The following KDM6A variants were observed in gnomAD, a reference collection of about 807,000 sequenced individuals.
KDM6A encodes the protein lysine demethylase 6A, also known as lysine-specific demethylase 6A.
A neutral mutation model predicts 117.6 loss-of-function variants in KDM6A; 11 were observed. The observed-to-expected ratio is 0.09, with a 90% CI of 0.06 to 0.15. The LOEUF (loss-of-function observed/expected upper bound fraction) is 0.15. KDM6A is among the 10% of genes least tolerant of loss of function. The pLI is 1.00. For synonymous variants in KDM6A, 384 were observed against 396.1 expected (o/e 0.97, Z 0.36); for missense variants, 799 against 1,077.3 (o/e 0.74, Z 3.62).
chrX:45,089,267 C>T (rs2045787764), intron 25 of KDM6A, among the ~76,000 whole-genome samples: 1 of 111,563 alleles, frequency 9.0e-6, no homozygotes, highest in Non-Finnish European at 1.9e-5. Context: ...ATTATAATTC[C>T]TGTAATCCCA....
intron 6 of KDM6A, among the ~76,000 whole-genome samples, chrX:45,029,172 C>T (rs1005589015): frequency 8.9e-6 from 1 of 111,765 alleles, no homozygotes; most frequent in Non-Finnish European, 1.9e-5. Flanking sequence ...CAGTGGCTCA[C>T]ACCTGTAATC....
chrX:45,078,620 T>A, intron 20 of KDM6A, 115 bp downstream of exon 20: 1 of 615,602 alleles, frequency 1.6e-6, no homozygotes, highest in Middle Eastern at 5.3e-4. Flanking sequence ...TTTTCTTTTT[T>A]TGTATTTTAA....
chrX:44,938,143 A>G (rs1383511496), intron 2 of KDM6A, among the ~76,000 whole-genome samples: 2 of 111,157 alleles, frequency 1.8e-5, no homozygotes, highest in African/African-American at 6.5e-5. Context: ...TCATTTTCGT[A>G]GAGATGGGGT....
chrX:45,021,588 G>T (rs1318806733), intron 6 of KDM6A, among the ~76,000 whole-genome samples: 1 of 111,406 alleles, frequency 9.0e-6, no homozygotes, highest in Admixed American at 9.6e-5. Context: ...ACTACTGAAG[G>T]TTAAAAATAA....
At chrX:44,990,275 ATGCC>A (rs2040496825) in intron 4 of KDM6A, among the ~76,000 whole-genome samples, 1 of 111,847 alleles carries the variant, frequency 8.9e-6, no homozygotes, top group Non-Finnish European at 1.9e-5. Context: ...ACAGTGTCTC[ATGCC>A]TGTAATCCCA....
chrX:45,103,657 C>T (rs1255009849), intron 27 of KDM6A, among the ~76,000 whole-genome samples: 1 of 112,117 alleles, frequency 8.9e-6, no homozygotes, highest in Admixed American at 9.5e-5. Context: ...AAGTTGTTCT[C>T]TAAAATTCTA....
chrX:44,899,547 T>C (rs2034192867), intron 2 of KDM6A, among the ~76,000 whole-genome samples: 2 of 104,772 alleles, frequency 1.9e-5, no homozygotes, highest in South Asian at 8.5e-4. Flanking sequence ...ATTTTTTTTT[T>C]CTCTGTGACA....
At chrX:45,033,070 T>C (rs2042666366) in intron 6 of KDM6A, among the ~76,000 whole-genome samples, 1 of 112,083 alleles carries the variant, frequency 8.9e-6, no homozygotes. Flanking sequence ...GTTTGTACCC[T>C]TTGATGGCTC....
Position 44,950,757 on chromosome X carries a change from G to A in KDM6A, c.226-10527G>A, listed in dbSNP as rs1039817855. Among the ~76,000 whole-genome samples the A allele has an allele frequency of 3.6e-5, 4 of 110,743 alleles. No individual in the cohort carries two copies. In the Admixed American group the frequency reaches 3.8e-4, roughly 11 times the overall value. On this transcript the variant is annotated intron_variant, in intron 2 of 29. Transcript: ENST00000611820. ...CTGTATTTGTCATTTCTTTGCTGTG[G>A]GATATGATGAGGTTTCTCTTCAAAT...
intron 4 of KDM6A, among the ~76,000 whole-genome samples, chrX:44,982,529 T>C (rs2039964067): frequency 8.9e-6 from 1 of 111,987 alleles, no homozygotes; most frequent in African/African-American, 3.3e-5. Flanking sequence ...GTTTTTGCCA[T>C]TACTGCAGTT....
intron 8 of KDM6A, among the ~76,000 whole-genome samples, chrX:45,041,478 G>A (rs1217156175): frequency 1.9e-5 from 2 of 106,452 alleles, no homozygotes; most frequent in African/African-American, 3.5e-5. Context: ...GGGCGGAGAC[G>A]CTCCTCACTT....
At chrX:44,985,787 G>A (rs1337812357) in intron 4 of KDM6A, among the ~76,000 whole-genome samples, 1 of 111,777 alleles carries the variant, frequency 8.9e-6, no homozygotes, top group African/African-American at 3.3e-5. Context: ...TAAGCTTTTT[G>A]ATGTGCTGCT....
intron 2 of KDM6A, among the ~76,000 whole-genome samples, chrX:44,890,647 T>C (rs911348949): frequency 8.8e-5 from 7 of 79,376 alleles, no homozygotes; most frequent in African/African-American, 4.1e-4. Context: ...TTGAACTTTT[T>C]TTTTTTTTTT....
intron 2 of KDM6A, among the ~76,000 whole-genome samples, chrX:44,923,988 G>T (rs931198507): frequency 8.9e-6 from 1 of 112,089 alleles, no homozygotes; most frequent in African/African-American, 3.2e-5. Flanking sequence ...CTCCCAAAGT[G>T]CTGGGATTAC....
At chrX:45,089,494 C>T (rs2045799105) in intron 25 of KDM6A, among the ~76,000 whole-genome samples, 1 of 107,175 alleles carries the variant, frequency 9.3e-6, no homozygotes, top group South Asian at 4.2e-4. Flanking sequence ...CCACTGCACT[C>T]CCGCCCAGGC....
At chrX:44,953,554 T>C (rs759772540) in intron 2 of KDM6A, among the ~76,000 whole-genome samples, 8 of 112,129 alleles carry the variant, frequency 7.1e-5, no homozygotes, top group African/African-American at 2.6e-4. Flanking sequence ...ATCTGCATGA[T>C]ATAATCTCTT....
intron 2 of KDM6A, among the ~76,000 whole-genome samples, chrX:44,913,712 A>G (rs1032803278): frequency 9.1e-6 from 1 of 110,171 alleles, no homozygotes; most frequent in African/African-American, 3.3e-5. Context: ...ATTTCTTACT[A>G]TAAGATTGCT....
intron 4 of KDM6A, among the ~76,000 whole-genome samples, chrX:44,979,942 G>A (rs1393501747): frequency 9.3e-6 from 1 of 107,545 alleles, no homozygotes; most frequent in Non-Finnish European, 1.9e-5. Context: ...TGTTTACTAT[G>A]TTCTTGAAAT....
At chrX:45,037,903 T>G (rs920394068) in intron 8 of KDM6A, among the ~76,000 whole-genome samples, 2 of 111,833 alleles carry the variant, frequency 1.8e-5, no homozygotes, top group African/African-American at 6.5e-5. Flanking sequence ...ACAAATTAAT[T>G]CCATTTAATA....
Sources: gnomAD v4.1 joint callset for allele counts (sites outside exome capture counted in the v4.1 genomes callset) on GRCh38, gnomAD v4.1.1 for gene constraint, MANE v1.5 for transcripts, NCBI Gene and HGNC (gene_info 2026-07-23, HGNC 2026-07-21) for gene names.